WIF1: variants seen among roughly 807,000 people sequenced by gnomAD.
The protein encoded by WIF1 is Wnt inhibitory factor 1.
Under a neutral mutation model 53.5 loss-of-function variants are expected in WIF1, and 35 were observed. The observed-to-expected ratio is 0.65, with a 90% CI of 0.50 to 0.87. The LOEUF (loss-of-function observed/expected upper bound fraction) is 0.87, where lower values mean the gene tolerates loss of function less well. Among genes scored for constraint, WIF1 ranks in the 40% least tolerant of loss-of-function variants. The probability of loss-of-function intolerance (pLI) is 0.00; values close to 1 mark genes in which losing one functional copy is unlikely to be tolerated. For missense variants in WIF1, 467 were observed against 476.8 expected (o/e 0.98, Z 0.19); for synonymous variants, 171 against 170.4 (o/e 1.00, Z -0.03).
chr12:65,081,210 A>G (rs74099733), intron 2 of WIF1, among the ~76,000 whole-genome samples: 42 of 152,298 alleles, frequency 2.8e-4, no homozygotes, highest in African/African-American at 9.9e-4. Flanking sequence ...CATAGATAAA[A>G]TATTCTTCTT....
At chr12:65,055,270 T>G in intron 8 of WIF1, 57 bp from the exon 9 acceptor site, 1 of 1,560,850 alleles carries the variant, frequency 6.4e-7, no homozygotes, top group Admixed American at 1.9e-5. Context: ...TCAACAGAAT[T>G]ACATAGTTGC....
In WIF1 at chr12:65,067,681, G is replaced by A; in HGVS notation, c.634+14C>T. 1.2e-6 allele frequency: 2 copies of A among 1,610,802 alleles called. No individual in the cohort carries two copies. The highest frequency in any genetic ancestry group is 8.5e-7 in the Non-Finnish European group (1 of 1,177,392). On this transcript the variant is annotated intron_variant, in intron 5 of 9. Coordinates refer to ENST00000286574, the MANE Select transcript of WIF1 (RefSeq NM_007191.5). ...ATTAGGAAGGGAGCAAGGGAAATCG[G>A]CTCCATGTCTTACCTTTCTCACAGT... is the stretch of plus-strand genomic sequence containing the variant.
chr12:65,055,667 CG>C (rs1342082024), intron 8 of WIF1, among the ~76,000 whole-genome samples: 1 of 152,142 alleles, frequency 6.6e-6, no homozygotes, highest in African/African-American at 2.4e-5. Context: ...CCCAGCTACT[CG>C]GGAGGCCGAG....
intron 2 of WIF1, among the ~76,000 whole-genome samples, chr12:65,079,926 T>C (rs746306862): frequency 2.6e-5 from 4 of 152,180 alleles, no homozygotes; most frequent in Admixed American, 6.5e-5. Flanking sequence ...TACATTAACA[T>C]GGGCTAGAAG....
intron 2 of WIF1, among the ~76,000 whole-genome samples, chr12:65,116,695 G>A (rs1285937731): frequency 6.6e-6 from 1 of 151,798 alleles, no homozygotes; most frequent in Non-Finnish European, 1.5e-5. Context: ...AGCACTTTGG[G>A]AGGCTGAGGC....
At chr12:65,109,781 C>T (rs941727856) in intron 2 of WIF1, among the ~76,000 whole-genome samples, 6 of 152,144 alleles carry the variant, frequency 3.9e-5, no homozygotes, top group Non-Finnish European at 5.9e-5. Flanking sequence ...CTTGTTTCCT[C>T]GTCTACAAAT....
In WIF1 at chr12:65,067,588, C is replaced by T. The variant is rs574256961; in HGVS notation, c.634+107G>A. Reference sequence around the variant, plus strand: ...GTGCCAAAATTTTCTGCCCCTGTGACCAGGAAAATAATTTCAGGTGTTAAA... The same window carrying T: ...GTGCCAAAATTTTCTGCCCCTGTGATCAGGAAAATAATTTCAGGTGTTAAA... On this transcript the variant is annotated intron_variant, in intron 5 of 9. Transcript: ENST00000286574. 184 of 1,195,896 alleles carry T rather than the reference C, an allele frequency of 1.5e-4. No homozygotes were observed. The African/African-American group carries it at 2.5e-3, about 16-fold the overall frequency. The allele number at this position is 1,195,896 out of a possible 1,614,324, so 74.1% of individuals were successfully genotyped here.
chr12:65,070,521 A>G (rs1012066456), intron 3 of WIF1, among the ~76,000 whole-genome samples: 3 of 152,172 alleles, frequency 2.0e-5, no homozygotes, highest in East Asian at 3.9e-4. Flanking sequence ...ACTTTGTTCA[A>G]TTATAAAACT....
chr12:65,075,099 C>T (rs1204462716), intron 3 of WIF1, among the ~76,000 whole-genome samples: 1 of 152,124 alleles, frequency 6.6e-6, no homozygotes, highest in African/African-American at 2.4e-5. Context: ...GAAACAGATC[C>T]TCTAGGGGTG....
intron 4 of WIF1, among the ~76,000 whole-genome samples, chr12:65,068,223 GC>G (rs1882717652): frequency 1.3e-5 from 2 of 152,142 alleles, no homozygotes; most frequent in South Asian, 4.1e-4. Context: ...TGTGAAAGGA[GC>G]CAGGCCTTTA....
In WIF1 at chr12:65,068,849, T is replaced by C. The variant is rs1028481320; in HGVS notation, c.453A>G (p.Glu151=). Residue 151 remains glutamate (E), a synonymous_variant, in exon 4 of 10, where the codon GAA becomes GAG. Transcript: ENST00000286574. The stretch of plus-strand genomic sequence containing the variant: ...CAGAATTCATAACAATCACATCCAC[T>C]TCAAATGCTGCCACCCCATCCTGTT... ...LGKQDGVAAF[E]VDVIVMNSEG... is the part of the protein sequence containing the mutation. The C allele has an allele frequency of 5.0e-6, 8 of 1,613,692 alleles. No individual in the cohort carries two copies. Among genetic ancestry groups the C allele is most frequent in the Non-Finnish European group, 6.8e-6 (8 of 1,179,746 alleles).
intron 4 of WIF1, 150 bp downstream of exon 4, chr12:65,068,614 G>A (rs541236620): frequency 1.3e-5 from 13 of 1,007,284 alleles, no homozygotes; most frequent in Middle Eastern, 2.6e-4. Flanking sequence ...TCCTCCTTCC[G>A]TTGCTGTAGT....
intron 7 of WIF1, among the ~76,000 whole-genome samples, chr12:65,060,866 T>A (rs996681055): frequency 6.6e-5 from 10 of 151,962 alleles, no homozygotes; most frequent in Admixed American, 2.6e-4. Context: ...TGAAGTAGGG[T>A]CAATCAGGAG....
chr12:65,051,174 G>A lies in WIF1; in HGVS notation c.*175C>T, dbSNP rs968499944. 45 of 731,442 alleles carry A rather than the reference G, an allele frequency of 6.2e-5. No individual in the cohort carries two copies. The highest frequency in any genetic ancestry group is 4.0e-4 in the African/African-American group (22 of 54,706). The allele number at this position is 731,442 out of a possible 1,614,324, so 45.3% of individuals were successfully genotyped here. Reference sequence around the variant, plus strand: ...AAATCTATACCATCATGCTACAGACGTACTTAGAAAACTTAAAAGGAAGAG... The same window carrying A: ...AAATCTATACCATCATGCTACAGACATACTTAGAAAACTTAAAAGGAAGAG... On this transcript the variant is annotated 3_prime_UTR_variant, in exon 10 of 10. Transcript: ENST00000286574.
chr12:65,079,164 C>CAAA (rs1226121849), intron 2 of WIF1, among the ~76,000 whole-genome samples: 2,873 of 79,774 alleles, frequency 0.036, 332 homozygotes, highest in African/African-American at 0.14. Flanking sequence ...GACTCCATCT[C>CAAA]AAAAAAAAAA....
At chr12:65,090,485 T>C (rs1370161972) in intron 2 of WIF1, among the ~76,000 whole-genome samples, 2 of 151,926 alleles carry the variant, frequency 1.3e-5, no homozygotes, top group African/African-American at 4.8e-5. Flanking sequence ...ATCAAGTAAG[T>C]AAAAAATCGA....
chr12:65,055,608 A>G (rs1296413485), intron 8 of WIF1, among the ~76,000 whole-genome samples: 1 of 140,998 alleles, frequency 7.1e-6, no homozygotes, highest in Non-Finnish European at 1.6e-5. Context: ...CATCTCTACT[A>G]AAAAAAAAAT....
intron 3 of WIF1, among the ~76,000 whole-genome samples, chr12:65,075,323 T>C (rs1263513023): frequency 1.3e-5 from 2 of 152,298 alleles, no homozygotes; most frequent in Non-Finnish European, 2.9e-5. Flanking sequence ...AAGTATCTGA[T>C]CTCCTGATTA....
chr12:65,078,409 G>A (rs753862227), intron 2 of WIF1, among the ~76,000 whole-genome samples: 1 of 151,990 alleles, frequency 6.6e-6, no homozygotes, highest in Non-Finnish European at 1.5e-5. Context: ...GATATTAATT[G>A]CTGTCTTTTT....
Sources: gnomAD v4.1 joint callset for allele counts (sites outside exome capture counted in the v4.1 genomes callset) on GRCh38, gnomAD v4.1.1 for gene constraint, MANE v1.5 for transcripts, NCBI Gene and HGNC (gene_info 2026-07-23, HGNC 2026-07-21) for gene names.